SOX5: variants seen among roughly 807,000 people sequenced by gnomAD.
The protein encoded by SOX5 is transcription factor SOX-5.
Under a neutral mutation model 92.0 loss-of-function variants are expected in SOX5, and 9 were observed. The ratio of observed to expected loss-of-function variants is 0.10; its 90% CI spans 0.06 to 0.17. SOX5 has a LOEUF of 0.17. Among genes scored for constraint, SOX5 ranks in the 10% least tolerant of loss-of-function variants. The probability of loss-of-function intolerance (pLI) is 1.00; values close to 1 mark genes in which losing one functional copy is unlikely to be tolerated. For missense variants in SOX5, 642 were observed against 944.5 expected, an observed-to-expected ratio of 0.68 and a Z score of 4.20; for synonymous variants, 344 against 336.3, an observed-to-expected ratio of 1.02 and a Z score of -0.25.
intron 4 of SOX5, among the ~76,000 whole-genome samples, chr12:24,062,388 T>C (rs1939897863): frequency 6.6e-6 from 1 of 152,214 alleles, no homozygotes; most frequent in South Asian, 2.1e-4. Context: ...TGCTATGTGA[T>C]ATAAGGACAA....
chr12:24,161,961 T>G (rs984206000), intron 4 of SOX5, among the ~76,000 whole-genome samples: 30 of 151,978 alleles, frequency 2.0e-4, no homozygotes, highest in African/African-American at 5.6e-4. Flanking sequence ...GAAGAAAAAT[T>G]TATGGTTAAT....
At chr12:24,122,370 C>A (rs1176174458) in intron 4 of SOX5, among the ~76,000 whole-genome samples, 1 of 152,104 alleles carries the variant, frequency 6.6e-6, no homozygotes, top group Non-Finnish European at 1.5e-5. Flanking sequence ...TCTGGAACGA[C>A]CAAGGAATTT....
At chr12:24,064,776 T>C (rs941305152) in intron 4 of SOX5, among the ~76,000 whole-genome samples, 1 of 152,148 alleles carries the variant, frequency 6.6e-6, no homozygotes, top group African/African-American at 2.4e-5. Flanking sequence ...ATAATGATCA[T>C]CTATAAGTGA....
chr12:24,034,984 A>G (rs1018971028), intron 4 of SOX5, among the ~76,000 whole-genome samples: 13 of 152,112 alleles, frequency 8.5e-5, no homozygotes, highest in Non-Finnish European at 1.5e-4. Context: ...ACAGAATGCT[A>G]AACCCCAGAG....
chr12:24,034,263 C>G (rs984294075), intron 4 of SOX5, among the ~76,000 whole-genome samples: 46 of 152,020 alleles, frequency 3.0e-4, no homozygotes, highest in African/African-American at 1.1e-3. Flanking sequence ...ATTTCTCTAA[C>G]ACAATACACT....
At chr12:24,350,929 C>T (rs532927161) in intron 2 of SOX5, among the ~76,000 whole-genome samples, 15 of 152,154 alleles carry the variant, frequency 9.9e-5, no homozygotes, top group Admixed American at 4.6e-4. Flanking sequence ...GGTGCACACA[C>T]GCCTGTAATC....
intron 4 of SOX5, among the ~76,000 whole-genome samples, chr12:24,115,048 G>A (rs1288378778): frequency 6.6e-6 from 1 of 152,184 alleles, no homozygotes; most frequent in Non-Finnish European, 1.5e-5. Flanking sequence ...TAGGCTTGAA[G>A]ATTTAATTGA....
chr12:23,536,865 C>A (rs1262057255), intron 13 of SOX5, among the ~76,000 whole-genome samples, 196 bp from the exon 14 acceptor site: 4 of 151,764 alleles, frequency 2.6e-5, no homozygotes, highest in African/African-American at 9.7e-5. Context: ...AAACACTGGG[C>A]AGTATTTTTT....
At chr12:23,555,421 C>G (rs1020745381) in intron 11 of SOX5, among the ~76,000 whole-genome samples, 2 of 151,838 alleles carry the variant, frequency 1.3e-5, no homozygotes, top group Non-Finnish European at 2.9e-5. Context: ...ACACAAGACT[C>G]TCTGTTTGAA....
chr12:24,010,722 G>A (rs1296317772), intron 4 of SOX5, among the ~76,000 whole-genome samples: 1 of 152,092 alleles, frequency 6.6e-6, no homozygotes, highest in African/African-American at 2.4e-5. Context: ...ATCACTTGCG[G>A]TCAGGGGCTC....
At chr12:23,957,013 C>T (rs925082651) in intron 4 of SOX5, among the ~76,000 whole-genome samples, 2 of 152,050 alleles carry the variant, frequency 1.3e-5, no homozygotes, top group African/African-American at 4.8e-5. Flanking sequence ...TTCTAAGGTC[C>T]CTTTCAATTA....
intron 3 of SOX5, among the ~76,000 whole-genome samples, chr12:23,828,675 A>G (rs988032909): frequency 3.3e-5 from 5 of 152,116 alleles, no homozygotes; most frequent in Non-Finnish European, 7.4e-5. Flanking sequence ...CATGACTTCT[A>G]TATAATATGT....
At chr12:23,804,375 T>C (rs2095718213) in intron 3 of SOX5, among the ~76,000 whole-genome samples, 1 of 152,136 alleles carries the variant, frequency 6.6e-6, no homozygotes, top group Admixed American at 6.5e-5. Context: ...GTTTGGTTAT[T>C]GTTGTTAGTC....
At chr12:24,128,305 C>CT (rs1444803048) in intron 4 of SOX5, among the ~76,000 whole-genome samples, 2 of 152,176 alleles carry the variant, frequency 1.3e-5, no homozygotes, top group Non-Finnish European at 2.9e-5. Flanking sequence ...GTGCCAGTCC[C>CT]TGTGCTATTA....
intron 4 of SOX5, among the ~76,000 whole-genome samples, chr12:24,029,256 T>G (rs1955218570): frequency 6.6e-6 from 1 of 151,932 alleles, no homozygotes; most frequent in Non-Finnish European, 1.5e-5. Flanking sequence ...GAGCCAAAAC[T>G]TCTCCAACAT....
intron 2 of SOX5, among the ~76,000 whole-genome samples, chr12:24,294,128 C>A (rs190554013): frequency 6.6e-6 from 1 of 152,262 alleles, no homozygotes; most frequent in African/African-American, 2.4e-5. Context: ...TGTAGGGACC[C>A]CACAGAATTA....
At chr12:24,128,356 T>C (rs1166226709) in intron 4 of SOX5, among the ~76,000 whole-genome samples, 2 of 152,164 alleles carry the variant, frequency 1.3e-5, no homozygotes, top group African/African-American at 4.8e-5. Context: ...CCTTTACTCC[T>C]TGCTCATGAA....
intron 4 of SOX5, among the ~76,000 whole-genome samples, chr12:23,741,807 C>A (rs903413408): frequency 6.6e-6 from 1 of 152,116 alleles, no homozygotes; most frequent in Non-Finnish European, 1.5e-5. Flanking sequence ...TAAGCTAATA[C>A]ATAAATCCAA....
chr12:23,639,853 A>G (rs1034804396), intron 8 of SOX5, among the ~76,000 whole-genome samples: 11 of 152,200 alleles, frequency 7.2e-5, no homozygotes, highest in African/African-American at 2.2e-4. Context: ...ATATAAAACT[A>G]TATTTTCCTT....
Sources: gnomAD v4.1 joint callset for allele counts (sites outside exome capture counted in the v4.1 genomes callset) on GRCh38, gnomAD v4.1.1 for gene constraint, MANE v1.5 for transcripts, NCBI Gene and HGNC (gene_info 2026-07-23, HGNC 2026-07-21) for gene names.